Variants in ANKRD36C observed in about 807,000 individuals in gnomAD.
ANKRD36C encodes ankyrin repeat domain 36C.
A neutral mutation model predicts 276.4 loss-of-function variants in ANKRD36C; 61 were observed. The observed-to-expected ratio is 0.22, with a 90% CI of 0.18 to 0.27. ANKRD36C has a LOEUF of 0.27. Ranked by LOEUF, ANKRD36C falls within the 10% of genes least tolerant of loss-of-function variation. ANKRD36C has a pLI of 1.00. For missense variants in ANKRD36C, 1,447 were observed against 2,032.3 expected (o/e 0.71, Z 5.54); for synonymous variants, 483 against 680.1 (o/e 0.71, Z 4.51).
At position 95,921,883 on chromosome 2, in the gene ANKRD36C, T is replaced by A; in HGVS notation, c.2144-73A>T. ...TCCATACATTCATGCGGTGTTAGCA[T>A]CAAGCTGTATCTGCCTGCCTGTATT... On this transcript the variant is annotated intron_variant, in intron 32 of 66. Transcript: ENST00000456556. 3 of 1,449,142 alleles carry A rather than the reference T, an allele frequency of 2.1e-6. No homozygotes were observed. In the South Asian group the frequency reaches 4.0e-5, roughly 19 times the overall value. The allele number at this position is 1,449,142 out of a possible 1,614,324, so 89.8% of individuals were successfully genotyped here. A position where few individuals can be genotyped will look rare whatever the true frequency, so the allele number is the denominator to read the frequency against.
At chr2:95,921,531 C>T (rs1203465297) in intron 34 of ANKRD36C, 76 bp downstream of exon 34, 1 of 1,539,682 alleles carries the variant, frequency 6.5e-7, no homozygotes, top group Non-Finnish European at 8.8e-7. Context: ...ACCTGCCCTC[C>T]ACTGATTTAT....
Position 95,978,614 on chromosome 2 carries a change from G to A in ANKRD36C, c.732-425C>T, listed in dbSNP as rs1183224650. 3.3e-5 allele frequency among the ~76,000 whole-genome samples: 5 copies of A among 152,104 alleles called. No individual in the cohort carries two copies. In the South Asian group the frequency reaches 8.3e-4, roughly 25 times the overall value. On this transcript the variant is annotated intron_variant, in intron 5 of 66. Transcript: ENST00000456556. ...TTAACATTCACAGAGAAATAGTAAA[G>A]CAGTGGAGCTTGTTCTTGAACTTTA...
exon 34 of ANKRD36C, chr2:95,921,667 C>T (rs752156078): frequency 2.0e-5 from 32 of 1,607,930 alleles, no homozygotes; most frequent in Non-Finnish European, 1.8e-5. Context: ...GAATCTTCCT[C>T]GTCAGTTGTA....
chr2:95,952,020 C>T (rs1028335018), intron 14 of ANKRD36C, among the ~76,000 whole-genome samples: 1,866 of 136,944 alleles, frequency 0.014, no homozygotes, highest in African/African-American at 0.066. Flanking sequence ...GAAGGCCACA[C>T]ATAGCTACTA....
At chr2:95,849,442 A>G (rs895510675), downstream of ANKRD36C, among the ~76,000 whole-genome samples, 1 of 152,214 alleles carries the variant, frequency 6.6e-6, no homozygotes, top group Non-Finnish European at 1.5e-5. Flanking sequence ...GAAGCTATAG[A>G]GCAGCAGTCC....
intron 28 of ANKRD36C, among the ~76,000 whole-genome samples, chr2:95,925,995 T>C (rs947044108): frequency 1.3e-5 from 2 of 151,590 alleles, no homozygotes; most frequent in African/African-American, 4.8e-5. Context: ...TGCCTGGTAA[T>C]TGAGCAGGTA....
chr2:95,951,242 C>T (rs1678186856), intron 15 of ANKRD36C, 106 bp downstream of exon 15: 5 of 1,000,666 alleles, frequency 5.0e-6, no homozygotes, highest in Admixed American at 2.6e-5. Flanking sequence ...CACTGCACTC[C>T]AGCCTGTGCT....
Position 95,921,601 on chromosome 2 carries a change from A to C in ANKRD36C, c.2245+6T>G. The C allele has an allele frequency of 1.9e-6, 3 of 1,604,202 alleles. No individual in the cohort carries two copies. The highest frequency in any genetic ancestry group is 1.7e-6 in the Non-Finnish European group (2 of 1,174,744). On this transcript the variant is annotated splice_donor_region_variant and intron_variant, in intron 34 of 66. Transcript: ENST00000456556. ...ACATGACATTAAATGTCTTTTGCAA[A>C]ATTACCTGTCCCAGATTTTTCTCCA...
At chr2:95,967,823 C>G (rs1344481440) in intron 6 of ANKRD36C, among the ~76,000 whole-genome samples, 2 of 152,120 alleles carry the variant, frequency 1.3e-5, no homozygotes, top group African/African-American at 4.8e-5. Flanking sequence ...CACAGTGGCT[C>G]ATGCCTGTGA....
At chr2:95,962,018 T>C (rs1169551000) in intron 8 of ANKRD36C, among the ~76,000 whole-genome samples, 2 of 152,042 alleles carry the variant, frequency 1.3e-5, no homozygotes, top group African/African-American at 2.4e-5. Context: ...ACACCTATAA[T>C]TTTTATTACT....
chr2:95,894,611 T>A (rs573280592), intron 44 of ANKRD36C, among the ~76,000 whole-genome samples: 1 of 151,472 alleles, frequency 6.6e-6, no homozygotes, highest in South Asian at 2.1e-4. Flanking sequence ...TCTAGAAAAG[T>A]TTCATTAAAC....
exon 34 of ANKRD36C, chr2:95,921,626 A>T: frequency 1.2e-6 from 2 of 1,608,852 alleles, no homozygotes; most frequent in Non-Finnish European, 1.7e-6. Flanking sequence ...ATTTTTCTCC[A>T]TCCTTTATTT....
At chr2:95,911,724 C>T (rs1676931808) in intron 42 of ANKRD36C, among the ~76,000 whole-genome samples, 1 of 151,454 alleles carries the variant, frequency 6.6e-6, no homozygotes, top group African/African-American at 2.4e-5. Context: ...ACTCAGGATT[C>T]CTCCGCAGTA....
chr2:95,883,100 G>T (rs1214299755), intron 54 of ANKRD36C, among the ~76,000 whole-genome samples: 1 of 152,038 alleles, frequency 6.6e-6, no homozygotes, highest in African/African-American at 2.4e-5. Flanking sequence ...GTAATAATGT[G>T]CCTACATTTG....
intron 44 of ANKRD36C, among the ~76,000 whole-genome samples, chr2:95,894,493 T>C (rs1400529731): frequency 6.6e-6 from 1 of 151,428 alleles, no homozygotes; most frequent in African/African-American, 2.4e-5. Flanking sequence ...AAGATTTACA[T>C]TCAGAAATCA....
intron 61 of ANKRD36C, among the ~76,000 whole-genome samples, chr2:95,858,132 A>G (rs1675465750): frequency 6.6e-6 from 1 of 151,680 alleles, no homozygotes; most frequent in Non-Finnish European, 1.5e-5. Flanking sequence ...ATGCTTCTCT[A>G]AAATGTATAA....
In ANKRD36C at chr2:95,984,111, G is replaced by A. The variant is rs997127870; in HGVS notation, c.487-1749C>T. Among the ~76,000 whole-genome samples, 5 of 151,930 alleles carry A rather than the reference G, an allele frequency of 3.3e-5. No individual in the cohort carries two copies. The East Asian group carries it at 9.7e-4, about 29-fold the overall frequency. On this transcript the variant is annotated intron_variant, in intron 3 of 66. Transcript: ENST00000456556. ...CCATCTAAATTCAAAAGTTCAACCC[G>A]ATTACCAAAGGATTTATATAAAATA...
At chr2:95,946,055 T>C (rs1350161015) in intron 17 of ANKRD36C, among the ~76,000 whole-genome samples, 2 of 150,842 alleles carry the variant, frequency 1.3e-5, no homozygotes, top group Non-Finnish European at 2.9e-5. Flanking sequence ...AAAAGTTTAA[T>C]TTGTTTACTA....
In ANKRD36C at chr2:95,903,577, A is replaced by T. The variant is rs1221446524; in HGVS notation, c.2654-4241T>A. ...CAATTCAGTTGAACGTACACTTCAC[A>T]TCACTTCAGTGGAAGTGTGCTAAAT... On this transcript the variant is annotated intron_variant, in intron 42 of 66. Coordinates refer to ENST00000456556, the Ensembl canonical transcript of ANKRD36C. Among the ~76,000 whole-genome samples the T allele has an allele frequency of 2.6e-5, 4 of 151,450 alleles. No individual in the cohort carries two copies. The East Asian group carries it at 7.9e-4, about 30-fold the overall frequency.
Sources: gnomAD v4.1 joint callset for allele counts (sites outside exome capture counted in the v4.1 genomes callset) on GRCh38, gnomAD v4.1.1 for gene constraint, MANE v1.5 for transcripts, NCBI Gene and HGNC (gene_info 2026-07-23, HGNC 2026-07-21) for gene names.